AIMP1: variants seen among roughly 807,000 people sequenced by gnomAD.
AIMP1 encodes aminoacyl tRNA synthase complex-interacting multifunctional protein 1.
Under a neutral mutation model 33.1 loss-of-function variants are expected in AIMP1, and 24 were observed. That is an observed-to-expected ratio of 0.73 (90% CI 0.53 to 1.02). AIMP1 has a LOEUF of 1.02. AIMP1 is among the 50% of genes least tolerant of loss of function. The probability of loss-of-function intolerance (pLI) is 0.00; values close to 1 mark genes in which losing one functional copy is unlikely to be tolerated. For missense variants in AIMP1, 367 were observed against 364.8 expected (o/e 1.01, Z -0.05); for synonymous variants, 120 against 121.5 (o/e 0.99, Z 0.08).
At chr4:106,321,732 G>A (rs909823693) in intron 1 of AIMP1, among the ~76,000 whole-genome samples, 4 of 152,238 alleles carry the variant, frequency 2.6e-5, no homozygotes, top group African/African-American at 4.8e-5. Flanking sequence ...CCATGATGAC[G>A]ATGGCAGTTT....
At chr4:106,335,867 G>A (rs1434156653) in intron 5 of AIMP1, among the ~76,000 whole-genome samples, 1 of 151,014 alleles carries the variant, frequency 6.6e-6, no homozygotes. Context: ...CTTGTTGAAA[G>A]AATTTAAATA....
intron 1 of AIMP1, among the ~76,000 whole-genome samples, chr4:106,318,834 A>G (rs555569315): frequency 5.9e-5 from 9 of 152,196 alleles, no homozygotes; most frequent in Non-Finnish European, 1.0e-4. Context: ...GGGGAAACAA[A>G]GGGTGATACA....
chr4:106,322,641 G>A (rs1358663258), intron 1 of AIMP1, among the ~76,000 whole-genome samples: 1 of 152,098 alleles, frequency 6.6e-6, no homozygotes, highest in Non-Finnish European at 1.5e-5. Flanking sequence ...TTTAACATTG[G>A]CATCATGAAT....
Position 106,349,265 on chromosome 4 carries a change from A to C in AIMP1, c.*1573A>C, listed in dbSNP as rs1372823916. On this transcript the variant is annotated 3_prime_UTR_variant, in exon 7 of 7. Transcript: ENST00000672341. ...TTTTGCTCTAATTTTTCTCAATTAT[A>C]TTAAATTTCTTTAATATAATTTAAA... The C allele has an allele frequency of 6.6e-6, 1 of 151,806 alleles. No individual in the cohort carries two copies. Among genetic ancestry groups the C allele is most frequent in the Non-Finnish European group, 1.5e-5 (1 of 67,928 alleles). The allele number at this position is 151,806 out of a possible 1,614,324, so 9.4% of individuals were successfully genotyped here.
chr4:106,343,600 A>G (rs1163800291), intron 6 of AIMP1, among the ~76,000 whole-genome samples: 1 of 152,106 alleles, frequency 6.6e-6, no homozygotes, highest in Non-Finnish European at 1.5e-5. Flanking sequence ...TCTATGCTCT[A>G]ACAACATTTT....
intron 1 of AIMP1, 129 bp from the exon 2 acceptor site, chr4:106,324,856 C>G: frequency 1.4e-6 from 1 of 723,002 alleles, no homozygotes. Context: ...CATAGGAAAA[C>G]TATTTTTCTA....
chr4:106,336,953 G>A lies in AIMP1; in HGVS notation c.688G>A (p.Ala230Thr). 2 of 1,614,054 alleles carry A rather than the reference G, an allele frequency of 1.2e-6. No individual in the cohort carries two copies. Among genetic ancestry groups the A allele is most frequent in the Admixed American group, 1.7e-5 (1 of 60,020 alleles). Reference protein sequence around the residue: ...GVLSQAMVMCASSPEKIEILA... With the variant: ...GVLSQAMVMCTSSPEKIEILA... ...ATTATCTCAAGCAATGGTCATGTGTGCTAGTTCACCAGAGAAAATTGAAAT... is the reference window on the plus strand; with the variant it reads ...ATTATCTCAAGCAATGGTCATGTGTACTAGTTCACCAGAGAAAATTGAAAT... Residue 230 changes from alanine to threonine, a missense_variant, in exon 6 of 7, where the codon GCT (alanine) becomes ACT (threonine). Physicochemically the swap from Ala to Thr is moderately conservative, Grantham distance 58. Coordinates refer to ENST00000672341, the MANE Select transcript of AIMP1 (RefSeq NM_001142416.2).
rs1037807124 is a variant in AIMP1, at chr4:106,317,147, C to T, written c.-26+553C>T. ...CAGGGAAGAAGGGTATAAAGTGACA[C>T]AGGAAGGTCTTGCTGAAAAGATGAC... is the stretch of plus-strand genomic sequence containing the variant. On this transcript the variant is annotated intron_variant, in intron 1 of 6. Coordinates refer to ENST00000672341, the MANE Select transcript of AIMP1 (RefSeq NM_001142416.2). Among the ~76,000 whole-genome samples the T allele has an allele frequency of 3.2e-4, 48 of 152,116 alleles. 1 individual carries two copies. Among genetic ancestry groups the T allele is most frequent in the Non-Finnish European group, 8.8e-5 (6 of 68,014 alleles).
At position 106,338,686 on chromosome 4, in the gene AIMP1, C is replaced by A. The variant is rs79727894; in HGVS notation, c.772+1649C>A. Among the ~76,000 whole-genome samples the A allele has an allele frequency of 7.8e-3, 1,184 of 152,328 alleles. 4 individuals are homozygous for A. Among genetic ancestry groups the A allele is most frequent in the Non-Finnish European group, 0.012 (838 of 68,022 alleles). On this transcript the variant is annotated intron_variant, in intron 6 of 6. Transcript: ENST00000672341. ...AAAGGAACTGTGGGATGGGACCCCC[C>A]CACACACAGAATCCCCACTGGGGCA...
intron 6 of AIMP1, 140 bp downstream of exon 6, chr4:106,337,177 T>A: frequency 1.2e-6 from 1 of 810,390 alleles, no homozygotes; most frequent in Non-Finnish European, 2.0e-6. Context: ...TTATTGAGTT[T>A]TTCAAGATTG....
chr4:106,346,577 C>T (rs142751890), intron 6 of AIMP1, among the ~76,000 whole-genome samples: 7 of 151,994 alleles, frequency 4.6e-5, no homozygotes, highest in African/African-American at 7.2e-5. Context: ...TACATCTCAC[C>T]GAGTAGAATG....
intron 4 of AIMP1, among the ~76,000 whole-genome samples, chr4:106,329,042 C>CTTTTTTTTTTTTTTTTTTT: frequency 7.3e-6 from 1 of 136,838 alleles, no homozygotes; most frequent in African/African-American, 2.7e-5. Flanking sequence ...AACTTATTTA[C>CTTTTTTTTTTTTTTTTTTT]TTTTTTTTTT....
At chr4:106,336,711 G>A (rs895431157) in intron 5 of AIMP1, among the ~76,000 whole-genome samples, 158 bp from the exon 6 acceptor site, 12 of 151,888 alleles carry the variant, frequency 7.9e-5, no homozygotes, top group African/African-American at 2.2e-4. Flanking sequence ...GCAAAGCTTC[G>A]TAACAACAAT....
chr4:106,325,530 ACTCT>A (rs1437802010), intron 2 of AIMP1, among the ~76,000 whole-genome samples: 1 of 151,848 alleles, frequency 6.6e-6, no homozygotes, highest in Non-Finnish European at 1.5e-5. Context: ...AAAAATTCTT[ACTCT>A]CTTTTTATTA....
chr4:106,318,671 CACTT>C (rs1466324081), intron 1 of AIMP1, among the ~76,000 whole-genome samples: 1 of 152,180 alleles, frequency 6.6e-6, no homozygotes, highest in East Asian at 1.9e-4. Context: ...TCATTGCCCA[CACTT>C]ACACCCACTT....
At chr4:106,316,626 G>A in intron 1 of AIMP1, 32 bp downstream of exon 1, 1 of 1,549,192 alleles carries the variant, frequency 6.5e-7, no homozygotes, top group Non-Finnish European at 8.7e-7. Context: ...CACTCACTCG[G>A]GGATCGCCGA....
Position 106,331,862 on chromosome 4 carries a change from G to A in AIMP1, c.582G>A (p.Val194=), listed in dbSNP as rs146996325. Residue 194 remains valine, a synonymous_variant, in exon 5 of 7, where the codon GTG becomes GTA. Coordinates refer to ENST00000672341, the MANE Select transcript of AIMP1 (RefSeq NM_001142416.2). ...IAPRTVVSGL[V]NHVPLEQMQN... The stretch of plus-strand genomic sequence containing the variant: ...CAAGGACAGTTGTCAGTGGCCTGGT[G>A]AATCATGTTCCTCTTGAACAGGTAA... 1.4e-5 allele frequency: 23 copies of A among 1,613,964 alleles called. No homozygotes were observed. In the African/African-American group the frequency reaches 2.7e-4, roughly 19 times the overall value.
chr4:106,319,520 A>T (rs765176919), intron 1 of AIMP1, among the ~76,000 whole-genome samples: 9 of 152,174 alleles, frequency 5.9e-5, no homozygotes, highest in Non-Finnish European at 8.8e-5. Flanking sequence ...GGACAGAATG[A>T]TTTAGATAAT....
intron 1 of AIMP1, among the ~76,000 whole-genome samples, chr4:106,323,141 T>A (rs896857508): frequency 2.0e-5 from 3 of 152,226 alleles, no homozygotes; most frequent in Non-Finnish European, 4.4e-5. Flanking sequence ...ATATGTATTA[T>A]AAAAGTCATA....
Sources: allele counts gnomAD v4.1 joint callset (sites outside exome capture counted in the v4.1 genomes callset), GRCh38; gene constraint gnomAD v4.1.1; transcripts MANE v1.5; gene names NCBI Gene and HGNC (gene_info 2026-07-23, HGNC 2026-07-21).